SULT2B1: variants seen among roughly 807,000 people sequenced by gnomAD.
SULT2B1 encodes the protein sulfotransferase 2B1.
SULT2B1 carries 16 observed loss-of-function variants against 33.2 expected under a neutral mutation model. The ratio of observed to expected loss-of-function variants is 0.48; its 90% CI spans 0.33 to 0.73. The LOEUF (loss-of-function observed/expected upper bound fraction) is 0.73, where lower values mean the gene tolerates loss of function less well. Among genes scored for constraint, SULT2B1 ranks in the 30% least tolerant of loss-of-function variants. The pLI is 0.02. For synonymous variants in SULT2B1, 186 were observed against 200.5 expected, an observed-to-expected ratio of 0.93 and a Z score of 0.61; for missense variants, 500 against 506.0, an observed-to-expected ratio of 0.99 and a Z score of 0.11.
At chr19:48,597,654 C>CTTTTTTTTTTTTT (rs372246428) in intron 6 of SULT2B1, among the ~76,000 whole-genome samples, 2 of 124,214 alleles carry the variant, frequency 1.6e-5, no homozygotes, top group South Asian at 2.6e-4. Flanking sequence ...TTTCTTTTTT[C>CTTTTTTTTTTTTT]TTTTTTGAGA....
chr19:48,569,531 T>C (rs1973293228), intron 1 of SULT2B1, among the ~76,000 whole-genome samples: 1 of 151,488 alleles, frequency 6.6e-6, no homozygotes, highest in Non-Finnish European at 1.5e-5. Flanking sequence ...TTCTTTTTTT[T>C]CTTATTTTTT....
At chr19:48,566,213 G>A (rs778198870) in intron 1 of SULT2B1, among the ~76,000 whole-genome samples, 5 of 151,276 alleles carry the variant, frequency 3.3e-5, no homozygotes, top group Admixed American at 1.3e-4. Flanking sequence ...GTGAGCCACC[G>A]CACCTAGCCT....
chr19:48,578,494 A>T (rs2544790), intron 2 of SULT2B1, among the ~76,000 whole-genome samples: 3,547 of 152,004 alleles, frequency 0.023, 49 homozygotes, highest in African/African-American at 0.036. Context: ...AGATGCGAGG[A>T]TTGCTTCAGT....
Position 48,596,923 on chromosome 19 carries a change from C to A in SULT2B1, c.826+4C>A, listed in dbSNP as rs549027793. The A allele has an allele frequency of 2.5e-6, 4 of 1,580,476 alleles. No homozygotes were observed. Among genetic ancestry groups the A allele is most frequent in the Non-Finnish European group, 3.4e-6 (4 of 1,169,156 alleles). On this transcript the variant is annotated splice_donor_region_variant and intron_variant, in intron 6 of 6. Transcript: ENST00000201586. ...CGCGGGGCCTTCCTCCGGAAAGGTGCGGGGGTTCTGGGGTTCAGAGCCCAC... is the reference window on the plus strand; with the variant it reads ...CGCGGGGCCTTCCTCCGGAAAGGTGAGGGGGTTCTGGGGTTCAGAGCCCAC...
intron 1 of SULT2B1, among the ~76,000 whole-genome samples, chr19:48,561,292 GT>G (rs1234883426): frequency 1.3e-5 from 2 of 151,904 alleles, no homozygotes; most frequent in African/African-American, 4.8e-5. Context: ...GCTGGTCGTG[GT>G]GGCACATGCC....
Position 48,552,599 on chromosome 19 carries a change from G to C in SULT2B1, c.71+276G>C, listed in dbSNP as rs1973044292. On this transcript the variant is annotated intron_variant, in intron 1 of 6. Coordinates refer to ENST00000201586, the MANE Select transcript of SULT2B1 (RefSeq NM_177973.2). The surrounding 1 kb of genome is among the most constrained non-coding windows in gnomAD (Gnocchi z 4.8). Reference sequence around the variant, plus strand: ...CCTCAGTTTTTCTGTCTGTCAAAGGGGCCCACAAGCCCTGTGTCTCCCTGA... The same window carrying C: ...CCTCAGTTTTTCTGTCTGTCAAAGGCGCCCACAAGCCCTGTGTCTCCCTGA... Among the ~76,000 whole-genome samples the C allele has an allele frequency of 6.6e-6, 1 of 152,092 alleles. No individual in the cohort carries two copies. Among genetic ancestry groups the C allele is most frequent in the African/African-American group, 2.4e-5 (1 of 41,416 alleles).
At chr19:48,571,835 C>T (rs928920415) in intron 1 of SULT2B1, among the ~76,000 whole-genome samples, 2 of 151,794 alleles carry the variant, frequency 1.3e-5, no homozygotes, top group Admixed American at 6.6e-5. Flanking sequence ...GTAGGGTAGC[C>T]CTCATGATAA....
At chr19:48,555,946 G>A (rs372050434) in intron 1 of SULT2B1, among the ~76,000 whole-genome samples, 122 of 152,170 alleles carry the variant, frequency 8.0e-4, no homozygotes, top group African/African-American at 2.9e-3. Context: ...CACCATGTTG[G>A]CCAGGCTGGT....
chr19:48,572,711 G>C (rs1356157386), intron 1 of SULT2B1, among the ~76,000 whole-genome samples: 1 of 151,992 alleles, frequency 6.6e-6, no homozygotes, highest in Non-Finnish European at 1.5e-5. Context: ...GCAGAGGAGG[G>C]GCAGCGGAGA....
intron 1 of SULT2B1, among the ~76,000 whole-genome samples, chr19:48,572,388 CT>C (rs905605928): frequency 1.0e-3 from 155 of 151,984 alleles, no homozygotes; most frequent in African/African-American, 3.5e-3. Context: ...TGGCATGCAC[CT>C]GTAGTGCTAG....
chr19:48,572,311 G>A (rs559839663), intron 1 of SULT2B1, among the ~76,000 whole-genome samples: 9 of 152,168 alleles, frequency 5.9e-5, no homozygotes, highest in East Asian at 3.9e-4. Context: ...TCAGGAGACC[G>A]AGACCATCCT....
intron 1 of SULT2B1, among the ~76,000 whole-genome samples, chr19:48,558,900 T>G (rs8100256): frequency 0.34 from 51,591 of 151,380 alleles, 9,409 homozygotes; most frequent in African/African-American, 0.47. Context: ...AGGTCAGGCT[T>G]GTCTCAAACT....
intron 1 of SULT2B1, among the ~76,000 whole-genome samples, chr19:48,557,369 G>A (rs184265042): frequency 2.6e-5 from 4 of 151,542 alleles, no homozygotes; most frequent in Non-Finnish European, 4.4e-5. Context: ...GTAAAACCCC[G>A]TCTCTACTAA....
At position 48,573,914 on chromosome 19, in the gene SULT2B1, T is replaced by G. The variant is rs531552066; in HGVS notation, c.72-2027T>G. On this transcript the variant is annotated intron_variant, in intron 1 of 6. Coordinates refer to ENST00000201586, the MANE Select transcript of SULT2B1 (RefSeq NM_177973.2). ...TCTCACTCTGTCACCCAGGCTGGAGTGCAGTGGCGCAATCTCAGCTCACTG... is the reference window on the plus strand; with the variant it reads ...TCTCACTCTGTCACCCAGGCTGGAGGGCAGTGGCGCAATCTCAGCTCACTG... Among the ~76,000 whole-genome samples, 522 of 152,216 alleles carry G rather than the reference T, an allele frequency of 3.4e-3. 3 individuals carry two copies. The highest frequency in any genetic ancestry group is 5.6e-3 in the Non-Finnish European group (380 of 68,000).
intron 2 of SULT2B1, among the ~76,000 whole-genome samples, chr19:48,585,072 A>AT (rs1973545194): frequency 7.4e-6 from 1 of 135,314 alleles, no homozygotes; most frequent in Non-Finnish European, 1.6e-5. Flanking sequence ...AAAAAAAAAA[A>AT]GCTGGGTACA....
intron 4 of SULT2B1, 23 bp downstream of exon 4, chr19:48,591,758 C>A: frequency 1.3e-6 from 2 of 1,548,292 alleles, no homozygotes; most frequent in Non-Finnish European, 8.7e-7. Context: ...TAAAGCGGGG[C>A]AGGAGGGGTG....
At chr19:48,557,504 AC>A (rs1278961987) in intron 1 of SULT2B1, among the ~76,000 whole-genome samples, 36 of 150,364 alleles carry the variant, frequency 2.4e-4, no homozygotes, top group African/African-American at 8.5e-4. Flanking sequence ...CGCATACTGC[AC>A]ACCAGCTTGG....
chr19:48,562,560 T>C (rs1973196027), intron 1 of SULT2B1, among the ~76,000 whole-genome samples: 1 of 152,008 alleles, frequency 6.6e-6, no homozygotes, highest in Non-Finnish European at 1.5e-5. Context: ...TCAAAATAAA[T>C]ACATAAATAG....
At chr19:48,558,536 A>T (rs1017153671) in intron 1 of SULT2B1, among the ~76,000 whole-genome samples, 2 of 151,796 alleles carry the variant, frequency 1.3e-5, no homozygotes, top group South Asian at 4.2e-4. Flanking sequence ...TCTGCCTCTT[A>T]TTGACGGGGA....
Sources: gnomAD v4.1 joint callset for allele counts (sites outside exome capture counted in the v4.1 genomes callset) on GRCh38, gnomAD v4.1.1 for gene constraint, Gnocchi (gnomAD v3.1) non-coding constraint, MANE v1.5 for transcripts, NCBI Gene and HGNC (gene_info 2026-07-23, HGNC 2026-07-21) for gene names.